NXNL2: variants seen among roughly 807,000 people sequenced by gnomAD.
NXNL2 encodes the protein nucleoredoxin like 2.
In NXNL2, 7 loss-of-function variants were observed where a neutral mutation model predicts 11.1. That is an observed-to-expected ratio of 0.63 (90% CI 0.36 to 1.18). The LOEUF (loss-of-function observed/expected upper bound fraction) is 1.18, where lower values mean the gene tolerates loss of function less well. Among genes scored for constraint, NXNL2 ranks in the 50% most tolerant of loss-of-function variants. NXNL2 has a pLI of 0.02. For missense variants in NXNL2, 233 were observed against 217.7 expected (o/e 1.07, Z -0.44); for synonymous variants, 109 against 101.8 (o/e 1.07, Z -0.42).
Position 88,574,007 on chromosome 9 carries a change from T to A in NXNL2, c.*17-1080T>A, listed in dbSNP as rs147841095. Among the ~76,000 whole-genome samples, 26 of 152,340 alleles carry A rather than the reference T, an allele frequency of 1.7e-4. 1 individual carries two copies. In the East Asian group the frequency reaches 4.8e-3, roughly 28 times the overall value. ...GTGAGGATGTGGAGCCTCTGGAACATCTGTATTCCTGCTGGGATTGTAACA... is the reference window on the plus strand; with the variant it reads ...GTGAGGATGTGGAGCCTCTGGAACAACTGTATTCCTGCTGGGATTGTAACA... On this transcript the variant is annotated intron_variant, in intron 2 of 2. Coordinates refer to the NXNL2 transcript ENST00000375855.
chr9:88,542,821 C>G (rs2118418537), intron 1 of NXNL2, among the ~76,000 whole-genome samples: 1 of 152,126 alleles, frequency 6.6e-6, no homozygotes, highest in South Asian at 2.1e-4. Context: ...GACCTGGATG[C>G]CAGAAAGTGG....
intron 1 of NXNL2, among the ~76,000 whole-genome samples, chr9:88,568,463 T>A (rs1322417610): frequency 6.6e-6 from 1 of 152,140 alleles, no homozygotes; most frequent in Non-Finnish European, 1.5e-5. Context: ...TTGGTGCCAC[T>A]GAAAAGACTG....
At chr9:88,542,169 C>G (rs13285192) in intron 1 of NXNL2, among the ~76,000 whole-genome samples, 1 of 151,732 alleles carries the variant, frequency 6.6e-6, no homozygotes, top group Non-Finnish European at 1.5e-5. Context: ...GGAGGCGGAG[C>G]TTGCAGTAAG....
chr9:88,558,471 T>A (rs1016292001), intron 1 of NXNL2, among the ~76,000 whole-genome samples: 3 of 152,158 alleles, frequency 2.0e-5, no homozygotes, highest in Middle Eastern at 3.2e-3. Context: ...TAGATGTAAG[T>A]GAAGTGTTTC....
At chr9:88,580,766 T>A (rs1830400789), downstream of NXNL2, among the ~76,000 whole-genome samples, 1 of 152,186 alleles carries the variant, frequency 6.6e-6, no homozygotes, top group African/African-American at 2.4e-5. Flanking sequence ...CCCACTGATG[T>A]CTTTCTCTGA....
chr9:88,582,206 C>T (rs1564079695), intron 1 of NXNL2, among the ~76,000 whole-genome samples: 1 of 152,294 alleles, frequency 6.6e-6, no homozygotes, highest in East Asian at 1.9e-4. Flanking sequence ...GACCTGGGTG[C>T]AGTGGCTCAC....
chr9:88,548,268 G>A (rs1829872893), downstream of NXNL2, among the ~76,000 whole-genome samples: 1 of 142,540 alleles, frequency 7.0e-6, no homozygotes, highest in Non-Finnish European at 1.5e-5. Context: ...GAACCCAGGA[G>A]GTGGAGGTTG....
At chr9:88,537,117 A>G (rs1395890557) in intron 1 of NXNL2, among the ~76,000 whole-genome samples, 1 of 152,242 alleles carries the variant, frequency 6.6e-6, no homozygotes. Context: ...ATTGCTGAGC[A>G]TATGATACAT....
At chr9:88,544,186 A>G (rs1313260073) in intron 1 of NXNL2, among the ~76,000 whole-genome samples, 193 bp from the exon 2 acceptor site, 3 of 152,148 alleles carry the variant, frequency 2.0e-5, no homozygotes, top group Non-Finnish European at 4.4e-5. Flanking sequence ...AAGAAAAAGA[A>G]AAAGAAAAAG....
chr9:88,565,457 G>T (rs572802049), intron 1 of NXNL2, among the ~76,000 whole-genome samples: 17 of 152,298 alleles, frequency 1.1e-4, no homozygotes, highest in Middle Eastern at 3.4e-3. Flanking sequence ...CATAGCAGCT[G>T]CATCATTTTG....
chr9:88,546,150 T>C (rs180787955), downstream of NXNL2, among the ~76,000 whole-genome samples: 3 of 128,418 alleles, frequency 2.3e-5, no homozygotes, highest in African/African-American at 1.1e-4. Context: ...TGAGTGTTCG[T>C]GTGTGTGTGT....
intron 1 of NXNL2, among the ~76,000 whole-genome samples, chr9:88,551,634 A>G (rs949566664): frequency 1.6e-4 from 25 of 152,072 alleles, no homozygotes; most frequent in Admixed American, 1.6e-3. Context: ...GTTCACCCCA[A>G]GTGGCTTCCC....
chr9:88,542,137 G>A (rs1829774368), intron 1 of NXNL2, among the ~76,000 whole-genome samples: 1 of 151,668 alleles, frequency 6.6e-6, no homozygotes, highest in South Asian at 2.1e-4. Context: ...GGAGGCTGAG[G>A]CAGGAGAATG....
intron 2 of NXNL2, among the ~76,000 whole-genome samples, chr9:88,574,605 AGAT>A (rs1440978919): frequency 3.3e-5 from 5 of 152,134 alleles, no homozygotes; most frequent in Non-Finnish European, 5.9e-5. Context: ...GTGTGCAGAG[AGAT>A]GATGTTGAGC....
chr9:88,575,227 T>A, exon 3 of NXNL2: 1 of 875,878 alleles, frequency 1.1e-6, no homozygotes, highest in Non-Finnish European at 1.4e-6. Context: ...ACCATGTGAC[T>A]CAGCAATCCT....
chr9:88,571,801 C>T (rs1426827316), intron 2 of NXNL2, among the ~76,000 whole-genome samples: 4 of 152,310 alleles, frequency 2.6e-5, no homozygotes, highest in African/African-American at 9.6e-5. Flanking sequence ...CTGGGCAAGA[C>T]GGGGGTTCAG....
chr9:88,580,179 G>A (rs942707169), downstream of NXNL2, among the ~76,000 whole-genome samples: 2 of 146,710 alleles, frequency 1.4e-5, no homozygotes, highest in African/African-American at 2.5e-5. Flanking sequence ...TTGAGATGGA[G>A]TTTCACTCTT....
intron 1 of NXNL2, among the ~76,000 whole-genome samples, chr9:88,583,827 C>T (rs754846099): frequency 2.0e-5 from 3 of 152,204 alleles, no homozygotes; most frequent in Non-Finnish European, 4.4e-5. Context: ...CTTCTTTTCT[C>T]TCCACCATGT....
chr9:88,541,385 C>G (rs534920248), intron 1 of NXNL2, among the ~76,000 whole-genome samples: 1 of 152,178 alleles, frequency 6.6e-6, no homozygotes, highest in South Asian at 2.1e-4. Context: ...CTCAGCCTCC[C>G]AAGTAGCTGG....
Sources: gnomAD v4.1 joint callset for allele counts (sites outside exome capture counted in the v4.1 genomes callset) on GRCh38, gnomAD v4.1.1 for gene constraint, MANE v1.5 for transcripts, NCBI Gene and HGNC (gene_info 2026-07-23, HGNC 2026-07-21) for gene names.